The following GCC2 variants were observed in gnomAD, a reference collection of about 807,000 sequenced individuals.
The protein encoded by GCC2 is GRIP and coiled-coil domain-containing protein 2.
GCC2 carries 120 observed loss-of-function variants against 210.6 expected under a neutral mutation model. The ratio of observed to expected loss-of-function variants is 0.57; its 90% CI spans 0.49 to 0.66. The LOEUF is 0.66. GCC2 is among the 30% of genes least tolerant of loss of function. The pLI is 0.00. For synonymous variants in GCC2, 703 were observed against 652.7 expected, an observed-to-expected ratio of 1.08 and a Z score of -1.17; for missense variants, 1,868 against 1,871.9, an observed-to-expected ratio of 1.00 and a Z score of 0.04.
At chr2:108,486,751 T>C (rs1324527970) in intron 16 of GCC2, 103 bp downstream of exon 16, 4 of 1,011,142 alleles carry the variant, frequency 4.0e-6, no homozygotes, top group Non-Finnish European at 5.7e-6. Context: ...ATTTTCCTGT[T>C]AAGAGCACTT....
intron 4 of GCC2, 108 bp downstream of exon 4, chr2:108,452,574 C>A: frequency 1.4e-6 from 1 of 724,706 alleles, no homozygotes; most frequent in Non-Finnish European, 2.5e-6. Context: ...TCCTCTCTGC[C>A]TTGGTTGTTT....
At chr2:108,496,949 T>G (rs1264167646) in intron 20 of GCC2, 21 bp from the exon 21 acceptor site, 3 of 1,611,244 alleles carry the variant, frequency 1.9e-6, no homozygotes, top group Non-Finnish European at 2.5e-6. Flanking sequence ...GAAAATTAAT[T>G]CTTGGAACAA....
chr2:108,479,764 C>A (rs1404688780), intron 9 of GCC2, among the ~76,000 whole-genome samples: 2 of 152,030 alleles, frequency 1.3e-5, no homozygotes, highest in East Asian at 3.9e-4. Flanking sequence ...GCATGCGGAT[C>A]ACCTGAGGTC....
At chr2:108,450,739 G>A (rs925288170) in intron 2 of GCC2, among the ~76,000 whole-genome samples, 1 of 152,172 alleles carries the variant, frequency 6.6e-6, no homozygotes, top group East Asian at 1.9e-4. Flanking sequence ...AAAATTAGCC[G>A]GACGTGGTAG....
chr2:108,453,791 A>T (rs1211166407), intron 4 of GCC2, among the ~76,000 whole-genome samples: 2 of 151,746 alleles, frequency 1.3e-5, no homozygotes, highest in East Asian at 3.9e-4. Flanking sequence ...TTTTTAAAAA[A>T]AAAAAAAAAA....
intron 17 of GCC2, among the ~76,000 whole-genome samples, chr2:108,488,524 A>G (rs1443074421): frequency 6.6e-6 from 1 of 152,256 alleles, no homozygotes; most frequent in Non-Finnish European, 1.5e-5. Context: ...CCATTAATTT[A>G]GCTAAACAGA....
In GCC2 at chr2:108,471,427, GA is replaced by G; in HGVS notation, c.2106del (p.Lys702AsnfsTer3). 2 of 1,603,634 alleles carry G rather than the reference GA, an allele frequency of 1.2e-6. No homozygotes were observed. Among genetic ancestry groups the G allele is most frequent in the South Asian group, 1.1e-5 (1 of 88,666 alleles). ...LYEENNKLSS[E>X]KKQLSRDLEV... ...TGAGGAAAACAATAAACTCAGTTCA[GA>G]AAAAAAACAGTTGAGTAGGGATTTG... is the stretch of plus-strand genomic sequence containing the variant. On this transcript the variant is annotated frameshift_variant, in exon 6 of 23. Coordinates refer to ENST00000309863, the MANE Select transcript of GCC2 (RefSeq NM_181453.4). LOFTEE classifies it high-confidence loss of function.
Position 108,469,035 on chromosome 2 carries a change from A to G in GCC2, c.272A>G (p.Gln91Arg), listed in dbSNP as rs200468428. Residue 91 changes from glutamine to arginine, a missense_variant, in exon 5 of 23, where the codon CAG becomes CGG. By Grantham distance (43) the Gln-to-Arg change is conservative. Transcript: ENST00000309863. ...CTGGAAAAAGCAGAGACTGAGCAAC[A>G]GTGTCTTTCTCTGAAAAAGGAAAAT... ...LLLEKAETEQ[Q>R]CLSLKKENIK... 114 of 1,613,026 alleles carry G rather than the reference A, an allele frequency of 7.1e-5. No homozygotes were observed. Among genetic ancestry groups the G allele is most frequent in the Non-Finnish European group, 8.9e-5 (105 of 1,179,216 alleles).
chr2:108,506,753 A>G (rs1573249796), intron 22 of GCC2, among the ~76,000 whole-genome samples: 1 of 152,176 alleles, frequency 6.6e-6, no homozygotes, highest in African/African-American at 2.4e-5. Context: ...CGTCAACAAT[A>G]CTTAGTTGTG....
Position 108,469,550 on chromosome 2 carries a change from T to TA in GCC2, c.322-100dup, listed in dbSNP as rs1391874254. The TA allele has an allele frequency of 5.3e-6, 4 of 755,158 alleles. No homozygotes were observed. In the East Asian group the frequency reaches 1.0e-4, roughly 19 times the overall value. 46.8% of individuals were successfully genotyped at this position (755,158 alleles called of 1,614,324 possible). On this transcript the variant is annotated intron_variant, in intron 5 of 22. Transcript: ENST00000309863. ...TTCTCCAAATACATTTCTGCTCATT[T>TA]ACTTTTCTCTCTACTTAGCTTGTGG...
intron 22 of GCC2, among the ~76,000 whole-genome samples, chr2:108,501,926 C>T (rs1253507618): frequency 6.6e-6 from 1 of 152,094 alleles, no homozygotes; most frequent in Non-Finnish European, 1.5e-5. Flanking sequence ...AATCTCAGTT[C>T]TTCAAACTAT....
chr2:108,462,215 G>A (rs763740146), intron 4 of GCC2, among the ~76,000 whole-genome samples: 18 of 147,026 alleles, frequency 1.2e-4, no homozygotes, highest in African/African-American at 2.7e-4. Flanking sequence ...TTTGGAGGCC[G>A]GGCGCAGTGG....
intron 22 of GCC2, among the ~76,000 whole-genome samples, chr2:108,506,874 GA>G (rs1683215614): frequency 6.6e-6 from 1 of 152,124 alleles, no homozygotes; most frequent in Non-Finnish European, 1.5e-5. Context: ...TTTCAGAATA[GA>G]AGAAGAATTT....
chr2:108,465,447 T>TC (rs1207858343), intron 4 of GCC2, among the ~76,000 whole-genome samples: 1 of 152,224 alleles, frequency 6.6e-6, no homozygotes, highest in East Asian at 1.9e-4. Flanking sequence ...AGTGCACCCA[T>TC]CACCAGAGTA....
Position 108,492,263 on chromosome 2 carries a change from G to C in GCC2, c.4230-310G>C, listed in dbSNP as rs549498092. Among the ~76,000 whole-genome samples, 5 of 151,930 alleles carry C rather than the reference G, an allele frequency of 3.3e-5. No individual in the cohort carries two copies. The East Asian group carries it at 9.7e-4, about 30-fold the overall frequency. Reference sequence around the variant, plus strand: ...CTAATTAAAAGTATAATTATTTTATGCTTTAAATATAATCCTATTTTCTGA... The same window carrying C: ...CTAATTAAAAGTATAATTATTTTATCCTTTAAATATAATCCTATTTTCTGA... On this transcript the variant is annotated intron_variant, in intron 18 of 22. Transcript: ENST00000309863.
intron 19 of GCC2, among the ~76,000 whole-genome samples, 200 bp downstream of exon 19, chr2:108,492,990 G>A (rs569890334): frequency 4.0e-4 from 61 of 152,194 alleles, no homozygotes; most frequent in Non-Finnish European, 7.9e-4. Context: ...ACTTACAGAA[G>A]TCTGTATAAC....
Position 108,472,130 on chromosome 2 carries a change from G to C in GCC2, c.2787+14G>C, listed in dbSNP as rs757091761. The C allele has an allele frequency of 6.9e-7, 1 of 1,440,302 alleles. No homozygotes were observed. Among genetic ancestry groups the C allele is most frequent in the Non-Finnish European group, 9.2e-7 (1 of 1,081,894 alleles). The allele number at this position is 1,440,302 out of a possible 1,614,324, so 89.2% of individuals were successfully genotyped here. A position where few individuals can be genotyped will look rare whatever the true frequency, so the allele number is the denominator to read the frequency against. On this transcript the variant is annotated intron_variant, in intron 6 of 22. Transcript: ENST00000309863. ...ATACTATTAAAGGTACCATTCATTT[G>C]AATTCTATTGTTTCAAATAAATTCT...
rs1683370764 is a variant in GCC2 at position 108,509,298 on chromosome 2, A to G, written c.*1668A>G. On this transcript the variant is annotated 3_prime_UTR_variant, in exon 23 of 23. Coordinates refer to ENST00000309863, the MANE Select transcript of GCC2 (RefSeq NM_181453.4). ...AACAAAATAATTTTTTGCATGATAA[A>G]AAATTACTTTGATTACAAAAGGCAT... 6.6e-6 allele frequency: 1 copy of G among 152,606 alleles called. No homozygotes were observed. The highest frequency in any genetic ancestry group is 1.5e-5 in the Non-Finnish European group (1 of 68,040). The allele number at this position is 152,606 out of a possible 1,614,324, so 9.5% of individuals were successfully genotyped here. A position where few individuals can be genotyped will look rare whatever the true frequency, so the allele number is the denominator to read the frequency against.
Position 108,492,801 on chromosome 2 carries a change from A to G in GCC2, c.4447+11A>G, listed in dbSNP as rs531299575. On this transcript the variant is annotated intron_variant, in intron 19 of 22. Transcript: ENST00000309863. Reference sequence around the variant, plus strand: ...AACCGACCACAAGAAGTATGTATGTACACATGGAAATATTAGTTGTTCATG... The same window carrying G: ...AACCGACCACAAGAAGTATGTATGTGCACATGGAAATATTAGTTGTTCATG... The G allele has an allele frequency of 1.3e-6, 2 of 1,549,270 alleles. No individual in the cohort carries two copies. The highest frequency in any genetic ancestry group is 1.7e-5 in the Admixed American group (1 of 59,920).
Sources: allele counts gnomAD v4.1 joint callset (sites outside exome capture counted in the v4.1 genomes callset), GRCh38; gene constraint gnomAD v4.1.1; transcripts MANE v1.5; gene names NCBI Gene and HGNC (gene_info 2026-07-23, HGNC 2026-07-21).